Variants in WDR45B observed in about 807,000 individuals in gnomAD.
The protein encoded by WDR45B is WD repeat domain 45B.
WDR45B carries 20 observed loss-of-function variants against 44.6 expected under a neutral mutation model. The ratio of observed to expected loss-of-function variants is 0.45; its 90% CI spans 0.32 to 0.65. The LOEUF is 0.65. Ranked by LOEUF, WDR45B falls within the 30% of genes least tolerant of loss-of-function variation. WDR45B has a pLI of 0.05. For synonymous variants in WDR45B, 169 were observed against 164.9 expected, an observed-to-expected ratio of 1.02 and a Z score of -0.19; for missense variants, 323 against 430.2, an observed-to-expected ratio of 0.75 and a Z score of 2.20.
chr17:82,647,812 C>A (rs1464561031), intron 1 of WDR45B, among the ~76,000 whole-genome samples: 1 of 151,894 alleles, frequency 6.6e-6, no homozygotes, highest in Non-Finnish European at 1.5e-5. Flanking sequence ...CTACTAAAGA[C>A]CCTGAAAGGA....
intron 2 of WDR45B, among the ~76,000 whole-genome samples, chr17:82,642,438 C>T (rs572047521): frequency 7.2e-5 from 11 of 152,206 alleles, no homozygotes; most frequent in East Asian, 1.9e-4. Flanking sequence ...AACCAGTCCC[C>T]GGTGCCGAAA....
At position 82,615,721 on chromosome 17, in the gene WDR45B, C is replaced by T. The variant is rs546999198; in HGVS notation, c.*198G>A. On this transcript the variant is annotated 3_prime_UTR_variant, in exon 10 of 10. Transcript: ENST00000392325. ...CTGGTCACAGCCACTGAGTTACCTA[C>T]GGTGCCTTGATGATGATTCTCTCTT... 3.6e-5 allele frequency: 22 copies of T among 603,540 alleles called. No homozygotes were observed. The highest frequency in any genetic ancestry group is 2.0e-4 in the East Asian group (7 of 35,094). The allele number at this position is 603,540 out of a possible 1,614,324, so 37.4% of individuals were successfully genotyped here.
chr17:82,645,888 C>T (rs927890517), intron 1 of WDR45B, among the ~76,000 whole-genome samples: 3 of 152,030 alleles, frequency 2.0e-5, no homozygotes, highest in African/African-American at 4.8e-5. Context: ...TTTGGGCAGC[C>T]GAGGTGGGTG....
rs1295778099 is a variant in WDR45B, at chr17:82,621,559, G to A, written c.618+50C>T. The A allele has an allele frequency of 2.5e-6, 4 of 1,611,912 alleles. No individual in the cohort carries two copies. The East Asian group carries it at 8.9e-5, about 36-fold the overall frequency. The stretch of plus-strand genomic sequence containing the variant: ...ATACAGGGAATGGCCATTTTGCTGA[G>A]CCTGCTGCTCCAGGAGGCACAACAC... On this transcript the variant is annotated intron_variant, in intron 6 of 9. Transcript: ENST00000392325.
chr17:82,616,967 G>A (rs576432234), intron 8 of WDR45B, among the ~76,000 whole-genome samples: 51 of 152,148 alleles, frequency 3.4e-4, no homozygotes, highest in African/African-American at 1.2e-3. Flanking sequence ...ACAGGCACCC[G>A]CCACCACGCC....
At chr17:82,618,677 T>C (rs1443151652) in intron 7 of WDR45B, among the ~76,000 whole-genome samples, 1 of 152,010 alleles carries the variant, frequency 6.6e-6, no homozygotes, top group Non-Finnish European at 1.5e-5. Flanking sequence ...GAGGCTGTAG[T>C]GAGCTGTGAT....
chr17:82,638,472 C>T (rs914923451), intron 2 of WDR45B, among the ~76,000 whole-genome samples: 10 of 151,504 alleles, frequency 6.6e-5, no homozygotes, highest in African/African-American at 2.4e-4. Flanking sequence ...AATTACACCA[C>T]ATCTTGACAG....
chr17:82,631,277 ATTTTTTTTTT>A (rs386386786), intron 2 of WDR45B, among the ~76,000 whole-genome samples: 8 of 86,846 alleles, frequency 9.2e-5, no homozygotes, highest in Non-Finnish European at 1.5e-4. Flanking sequence ...TACAGGACTC[ATTTTTTTTTT>A]TTTTTTTTTT....
chr17:82,646,488 C>CAAAAAAAAAAAAAAAA lies in WDR45B; in HGVS notation c.67+1770_67+1785dup, dbSNP rs779661551. ...GGCAACAAGAGCGAAAACTCCGTCT[C>CAAAAAAAAAAAAAAAA]AAAAAAAAAAAAAAAAAAAAAAAAC... On this transcript the variant is annotated intron_variant, in intron 1 of 9. Coordinates refer to ENST00000392325, the MANE Select transcript of WDR45B (RefSeq NM_019613.4). Among the ~76,000 whole-genome samples the CAAAAAAAAAAAAAAAA allele has an allele frequency of 1.2e-3, 23 of 19,928 alleles. 1 individual carries two copies. Among genetic ancestry groups the CAAAAAAAAAAAAAAAA allele is most frequent in the Non-Finnish European group, 1.9e-3 (19 of 10,160 alleles). 13.1% of individuals were successfully genotyped at this position (19,928 alleles called of 152,430 possible). A position where few individuals can be genotyped will look rare whatever the true frequency, so the allele number is the denominator to read the frequency against.
rs1412272622 is a variant in WDR45B at position 82,638,191 on chromosome 17, C to CGAGGGAAAGGGAGGG, written c.142+5743_142+5757dup. The stretch of plus-strand genomic sequence containing the variant: ...AGATTCTGTCAAAGAAGAGGGGAGG[C>CGAGGGAAAGGGAGGG]GAGGGAAAGGGAGGGGAGGGAAAGG... On this transcript the variant is annotated intron_variant, in intron 2 of 9. Coordinates refer to ENST00000392325, the MANE Select transcript of WDR45B (RefSeq NM_019613.4). Among the ~76,000 whole-genome samples the CGAGGGAAAGGGAGGG allele has an allele frequency of 2.0e-3, 143 of 73,318 alleles. 4 individuals are homozygous for CGAGGGAAAGGGAGGG. The highest frequency in any genetic ancestry group is 3.0e-3 in the African/African-American group (43 of 14,556). The allele number at this position is 73,318 out of a possible 152,430, so 48.1% of individuals were successfully genotyped here. A position where few individuals can be genotyped will look rare whatever the true frequency, so the allele number is the denominator to read the frequency against.
At chr17:82,626,623 G>A (rs937323880) in intron 4 of WDR45B, among the ~76,000 whole-genome samples, 2 of 148,318 alleles carry the variant, frequency 1.3e-5, no homozygotes, top group African/African-American at 5.0e-5. Flanking sequence ...TCCCACAGCC[G>A]ACAGAGATGG....
intron 1 of WDR45B, among the ~76,000 whole-genome samples, chr17:82,647,115 G>T (rs764385110): frequency 1.2e-4 from 18 of 152,130 alleles, no homozygotes; most frequent in Non-Finnish European, 2.5e-4. Flanking sequence ...TGTAATCCCA[G>T]CTACTCAGGA....
rs1598255126 is a variant in WDR45B at position 82,615,782 on chromosome 17, A to G, written c.*137T>C. 2.6e-6 allele frequency: 2 copies of G among 761,076 alleles called. No individual in the cohort carries two copies. The highest frequency in any genetic ancestry group is 2.3e-6 in the Non-Finnish European group (1 of 434,424). 47.1% of individuals were successfully genotyped at this position (761,076 alleles called of 1,614,324 possible). On this transcript the variant is annotated 3_prime_UTR_variant, in exon 10 of 10. Coordinates refer to ENST00000392325, the MANE Select transcript of WDR45B (RefSeq NM_019613.4). ...AATGGGAGTCCTTAGGAAAGCAGAC[A>G]ACCACGTATGGCTTCGAGACCAAGG...
chr17:82,635,879 G>C (rs1225676060), intron 2 of WDR45B, among the ~76,000 whole-genome samples: 6 of 151,748 alleles, frequency 4.0e-5, no homozygotes, highest in Admixed American at 2.6e-4. Context: ...CCTCAGGTCG[G>C]GAGTTCAAGA....
Position 82,618,419 on chromosome 17 carries a change from C to T in WDR45B, c.704+624G>A, listed in dbSNP as rs192575476. ...GTGTGGCCTCTCAGACTGTAACAGG[C>T]TGGAATCAGACAAACCAACATGGTC... On this transcript the variant is annotated intron_variant, in intron 7 of 9. Transcript: ENST00000392325. 3.9e-4 allele frequency among the ~76,000 whole-genome samples: 60 copies of T among 152,270 alleles called. No individual in the cohort carries two copies. The East Asian group carries it at 7.5e-3, about 19-fold the overall frequency.
chr17:82,627,151 A>T, intron 4 of WDR45B, 53 bp downstream of exon 4: 1 of 1,366,176 alleles, frequency 7.3e-7, no homozygotes, highest in Non-Finnish European at 1.0e-6. Flanking sequence ...TATTTCAGCC[A>T]TCTTTTGAGA....
intron 2 of WDR45B, among the ~76,000 whole-genome samples, chr17:82,633,335 T>C (rs2045793403): frequency 1.3e-5 from 2 of 152,324 alleles, no homozygotes; most frequent in East Asian, 1.9e-4. Context: ...GAAGGACTTT[T>C]ACAACTCAAC....
At chr17:82,632,907 G>A (rs1455993667) in intron 2 of WDR45B, among the ~76,000 whole-genome samples, 2 of 152,174 alleles carry the variant, frequency 1.3e-5, no homozygotes, top group Middle Eastern at 3.4e-3. Flanking sequence ...AGTGGCTCAC[G>A]CCTGTAATCT....
chr17:82,643,838 T>C (rs1201750955), intron 2 of WDR45B, 111 bp downstream of exon 2: 4 of 1,032,296 alleles, frequency 3.9e-6, no homozygotes, highest in Non-Finnish European at 5.9e-6. Flanking sequence ...CCATGAACCC[T>C]ATTTACTTCT....
Sources: gnomAD v4.1 joint callset for allele counts (sites outside exome capture counted in the v4.1 genomes callset) on GRCh38, gnomAD v4.1.1 for gene constraint, MANE v1.5 for transcripts, NCBI Gene and HGNC (gene_info 2026-07-23, HGNC 2026-07-21) for gene names.